The following DNAJB12 variants were observed in gnomAD, a reference collection of about 807,000 sequenced individuals.
DNAJB12 encodes DnaJ heat shock protein family (Hsp40) member B12, also known as dnaJ homolog subfamily B member 12.
DNAJB12 carries 14 observed loss-of-function variants against 40.6 expected under a neutral mutation model. The observed-to-expected ratio is 0.34, with a 90% CI of 0.23 to 0.54. The LOEUF (loss-of-function observed/expected upper bound fraction) is 0.54. Among genes scored for constraint, DNAJB12 ranks in the 20% least tolerant of loss-of-function variants. The probability of loss-of-function intolerance (pLI) is 0.92; values close to 1 mark genes in which losing one functional copy is unlikely to be tolerated. For synonymous variants in DNAJB12, 181 were observed against 199.5 expected (o/e 0.91, Z 0.78); for missense variants, 444 against 501.7 (o/e 0.89, Z 1.10).
At chr10:72,341,805 A>G (rs1462911674) in intron 3 of DNAJB12, among the ~76,000 whole-genome samples, 1 of 152,168 alleles carries the variant, frequency 6.6e-6, no homozygotes, top group East Asian at 1.9e-4. Flanking sequence ...CCCTATCTCC[A>G]TTTCACCAAT....
In DNAJB12 at chr10:72,335,189, T is replaced by C. The variant is rs1861435784; in HGVS notation, c.*31-572A>G. ...CTCAGATCCCACCAGAGGGGGGTGG[T>C]CAGGGCCCGCGGCCCCTGCCGCCAC... On this transcript the variant is annotated intron_variant, in intron 8 of 8. Transcript: ENST00000444643. The surrounding 1 kb of genome is among the most constrained non-coding windows in gnomAD (Gnocchi z 4.4). The C allele has an allele frequency of 5.1e-6, 5 of 986,770 alleles. No individual in the cohort carries two copies. The highest frequency in any genetic ancestry group is 6.0e-6 in the Non-Finnish European group (5 of 830,592). 61.1% of individuals were successfully genotyped at this position (986,770 alleles called of 1,614,324 possible).
At chr10:72,339,859 T>C (rs999293832) in intron 5 of DNAJB12, among the ~76,000 whole-genome samples, 6 of 151,792 alleles carry the variant, frequency 4.0e-5, no homozygotes, top group Non-Finnish European at 8.8e-5. Context: ...TAAAGGCGCC[T>C]GCCACTACGC....
intron 2 of DNAJB12, among the ~76,000 whole-genome samples, chr10:72,344,367 T>TGG (rs1218078351): frequency 2.0e-5 from 3 of 152,208 alleles, no homozygotes; most frequent in Non-Finnish European, 1.5e-5. Context: ...GGCATGACCC[T>TGG]GGGGGATTCC....
chr10:72,353,741 A>G (rs1189351374), intron 1 of DNAJB12: 1 of 152,184 alleles, frequency 6.6e-6, no homozygotes, highest in Non-Finnish European at 1.5e-5. Flanking sequence ...TATTATTGCC[A>G]ATCACATTAT....
chr10:72,336,681 G>C lies in DNAJB12; in HGVS notation c.849C>G (p.Ile283Met), dbSNP rs1183368060. 1.9e-6 allele frequency: 3 copies of C among 1,613,892 alleles called. No individual in the cohort carries two copies. The highest frequency in any genetic ancestry group is 2.5e-6 in the Non-Finnish European group (3 of 1,179,932). The change falls in exon 7 of 9, where the codon ATC becomes ATG. Residue 283 changes from isoleucine to methionine, a missense_variant. By Grantham distance (10) the Ile-to-Met change is conservative. Coordinates refer to ENST00000444643, the MANE Select transcript of DNAJB12 (RefSeq NM_017626.7). ...SLSPRPSVGH[I>M]HRRVTDHLGV... ...CCAGGTGGTCAGTGACTCGCCTGTG[G>C]ATGTGGCCCACGGACCTGGCCAGAA...
chr10:72,350,658 C>T (rs767165117), intron 1 of DNAJB12, among the ~76,000 whole-genome samples: 5 of 152,096 alleles, frequency 3.3e-5, no homozygotes, highest in Non-Finnish European at 5.9e-5. Context: ...TGTGTACCTA[C>T]GGTGCTCACA....
chr10:72,334,502 G>T lies in DNAJB12; in HGVS notation c.*146C>A. Reference sequence around the variant, plus strand: ...GGGTGAGAGAGAGGGCAGCTGTGCAGCGTTCGGCCTCCAATTCCATTTTAA... The same window carrying T: ...GGGTGAGAGAGAGGGCAGCTGTGCATCGTTCGGCCTCCAATTCCATTTTAA... On this transcript the variant is annotated 3_prime_UTR_variant, in exon 9 of 9. Coordinates refer to ENST00000444643, the MANE Select transcript of DNAJB12 (RefSeq NM_017626.7). 1 of 1,447,442 alleles carries T rather than the reference G, an allele frequency of 6.9e-7. No homozygotes were observed. The highest frequency in any genetic ancestry group is 9.4e-7 in the Non-Finnish European group (1 of 1,066,668). 89.7% of individuals were successfully genotyped at this position (1,447,442 alleles called of 1,614,324 possible).
chr10:72,336,438 T>A, intron 7 of DNAJB12, 86 bp downstream of exon 7: 2 of 1,419,736 alleles, frequency 1.4e-6, no homozygotes, highest in East Asian at 4.6e-5. Flanking sequence ...GAGCACAGGG[T>A]GAGCAGGGCT....
intron 1 of DNAJB12, among the ~76,000 whole-genome samples, chr10:72,352,521 G>T (rs12098351): frequency 0.075 from 11,371 of 152,096 alleles, 876 homozygotes; most frequent in African/African-American, 0.2. Flanking sequence ...CTAAACTGCT[G>T]ATAATTTAAT....
chr10:72,341,236 C>T (rs1053232927), intron 3 of DNAJB12, 66 bp from the exon 4 acceptor site: 1 of 1,481,558 alleles, frequency 6.7e-7, no homozygotes, highest in South Asian at 1.2e-5. Flanking sequence ...CCCATGGCAG[C>T]CGAGTGCTCA....
Position 72,341,161 on chromosome 10 carries a change from G to A in DNAJB12, c.467C>T (p.Thr156Ile), listed in dbSNP as rs1404235803. ...GATEAFKAIG[T>I]AYAVLSNPEK... ...CGGGTTGCTGAGTACCGCATATGCT[G>A]TGCCAATGGCTGGAGAGGAGGAGGA... Residue 156 changes from threonine to isoleucine, a missense_variant, in exon 4 of 9, where the codon ACA (threonine) becomes ATA (isoleucine). Transcript: ENST00000444643. The A allele has an allele frequency of 6.2e-7, 1 of 1,604,710 alleles. No homozygotes were observed. Among genetic ancestry groups the A allele is most frequent in the Non-Finnish European group, 8.5e-7 (1 of 1,172,268 alleles).
chr10:72,341,732 A>G (rs1861644983), intron 3 of DNAJB12, among the ~76,000 whole-genome samples: 1 of 152,202 alleles, frequency 6.6e-6, no homozygotes, highest in African/African-American at 2.4e-5. Context: ...TTGGCCTCCC[A>G]AAGTGCTGGG....
At position 72,335,009 on chromosome 10, in the gene DNAJB12, C is replaced by A; in HGVS notation, c.*31-392G>T. ...GAGGGAGCCTGCTACCAGCAACTCT[C>A]ATTTCCCCTCCACCCCTCCTGTGCT... On this transcript the variant is annotated intron_variant, in intron 8 of 8. Coordinates refer to ENST00000444643, the MANE Select transcript of DNAJB12 (RefSeq NM_017626.7). This position sits in a 1 kb window ranked among gnomAD's most constrained non-coding sequence, Gnocchi z 4.4. 9.3e-7 allele frequency: 1 copy of A among 1,069,824 alleles called. No individual in the cohort carries two copies. The highest frequency in any genetic ancestry group is 1.1e-6 in the Non-Finnish European group (1 of 884,164). 66.3% of individuals were successfully genotyped at this position (1,069,824 alleles called of 1,614,324 possible).
At chr10:72,339,259 G>A (rs549444314) in intron 5 of DNAJB12, among the ~76,000 whole-genome samples, 5 of 145,700 alleles carry the variant, frequency 3.4e-5, no homozygotes, top group African/African-American at 1.3e-4. Flanking sequence ...AAAAAAGGCC[G>A]GCATGGTGGC....
intron 1 of DNAJB12, among the ~76,000 whole-genome samples, chr10:72,352,795 A>G (rs1473749415): frequency 1.3e-5 from 2 of 152,234 alleles, no homozygotes. Flanking sequence ...CAAAACATAA[A>G]TGATCTTCAA....
intron 6 of DNAJB12, 81 bp from the exon 7 acceptor site, chr10:72,336,777 G>T: frequency 1.6e-6 from 2 of 1,251,332 alleles, no homozygotes; most frequent in Admixed American, 1.9e-5. Flanking sequence ...CAAGACAGGA[G>T]GTGCCGCACA....
chr10:72,337,089 G>A (rs971899144), intron 6 of DNAJB12, among the ~76,000 whole-genome samples: 1 of 152,176 alleles, frequency 6.6e-6, no homozygotes, highest in Non-Finnish European at 1.5e-5. Flanking sequence ...CCCAGTGTAG[G>A]GTTAAGAGGC....
At chr10:72,343,995 T>A (rs1861714056) in intron 2 of DNAJB12, among the ~76,000 whole-genome samples, 1 of 151,896 alleles carries the variant, frequency 6.6e-6, no homozygotes, top group South Asian at 2.1e-4. Context: ...GCTCAAGGGA[T>A]CCTCCTGTCT....
intron 1 of DNAJB12, among the ~76,000 whole-genome samples, chr10:72,350,098 A>T (rs1395154887): frequency 6.6e-6 from 1 of 152,114 alleles, no homozygotes; most frequent in Non-Finnish European, 1.5e-5. Flanking sequence ...AAAGCCACTG[A>T]ACCCAGACTA....
Sources: gnomAD v4.1 joint callset for allele counts (sites outside exome capture counted in the v4.1 genomes callset) on GRCh38, gnomAD v4.1.1 for gene constraint, Gnocchi (gnomAD v3.1) non-coding constraint, MANE v1.5 for transcripts, NCBI Gene and HGNC (gene_info 2026-07-23, HGNC 2026-07-21) for gene names.